SLC9B2: variants seen among roughly 807,000 people sequenced by gnomAD.
SLC9B2 encodes the protein solute carrier family 9 member B2.
SLC9B2 carries 39 observed loss-of-function variants against 52.2 expected under a neutral mutation model. The ratio of observed to expected loss-of-function variants is 0.75; its 90% CI spans 0.58 to 0.98. The LOEUF (loss-of-function observed/expected upper bound fraction) is 0.98. SLC9B2 is among the 50% of genes least tolerant of loss of function. The pLI, the probability that SLC9B2 is intolerant of heterozygous loss-of-function variation, is 0.00. For missense variants in SLC9B2, 626 were observed against 637.5 expected (o/e 0.98, Z 0.19); for synonymous variants, 214 against 227.0 (o/e 0.94, Z 0.51).
rs1241324245 is a variant in SLC9B2, at chr4:103,043,286, T to C, written c.1146+10A>G. 6.3e-7 allele frequency: 1 copy of C among 1,592,782 alleles called. No homozygotes were observed. Among genetic ancestry groups the C allele is most frequent in the Non-Finnish European group, 8.5e-7 (1 of 1,173,500 alleles). ...GAGTCATGAGCAGAAAAACTTAAAA[T>C]GAAATTCACCTTTTCGCTGGTCCAT... On this transcript the variant is annotated intron_variant, in intron 9 of 11. Coordinates refer to ENST00000394785, the MANE Select transcript of SLC9B2 (RefSeq NM_178833.7).
rs575765411 is a variant in SLC9B2 at position 103,030,066 on chromosome 4, C to A, written c.1256-1183G>T. ...GAAGTACAAGATAAAGAGTTGATAT[C>A]ATTCCCAGAAGGAAACATTGAAAGT... On this transcript the variant is annotated intron_variant, in intron 10 of 11. Coordinates refer to ENST00000394785, the MANE Select transcript of SLC9B2 (RefSeq NM_178833.7). 3.9e-3 allele frequency among the ~76,000 whole-genome samples: 591 copies of A among 152,170 alleles called. 2 individuals carry two copies. The highest frequency in any genetic ancestry group is 0.013 in the African/African-American group (554 of 41,530).
chr4:103,034,175 C>T (rs1439452379), intron 9 of SLC9B2, among the ~76,000 whole-genome samples: 1 of 151,974 alleles, frequency 6.6e-6, no homozygotes, highest in Non-Finnish European at 1.5e-5. Flanking sequence ...ATGTGATCTT[C>T]GATAAAGCTG....
At chr4:103,028,955 C>A in intron 10 of SLC9B2, 72 bp from the exon 11 acceptor site, 1 of 1,214,330 alleles carries the variant, frequency 8.2e-7, no homozygotes. Context: ...GTTACTAATT[C>A]AAAATAACCA....
At position 103,026,156 on chromosome 4, in the gene SLC9B2, G is replaced by T. The variant is rs1327844681; in HGVS notation, c.*214C>A. 2.6e-5 allele frequency: 12 copies of T among 466,616 alleles called. No individual in the cohort carries two copies. The highest frequency in any genetic ancestry group is 3.4e-5 in the Non-Finnish European group (9 of 262,462). 28.9% of individuals were successfully genotyped at this position (466,616 alleles called of 1,614,324 possible). On this transcript the variant is annotated 3_prime_UTR_variant, in exon 12 of 12. Coordinates refer to ENST00000394785, the MANE Select transcript of SLC9B2 (RefSeq NM_178833.7). ...ATGCAAATTAAGATGGATGATGAAG[G>T]GGTGTTTGAAAAAAAAGGCAGAGAG... is the stretch of plus-strand genomic sequence containing the variant.
upstream of SLC9B2, chr4:103,076,992 C>G (rs1435501957): frequency 6.6e-6 from 1 of 152,260 alleles, no homozygotes; most frequent in Non-Finnish European, 1.5e-5. Context: ...TTCTGCCCCC[C>G]TTTATCGCTT....
intron 1 of SLC9B2, among the ~76,000 whole-genome samples, chr4:103,075,480 T>G (rs1747038201): frequency 6.6e-6 from 1 of 152,210 alleles, no homozygotes; most frequent in Non-Finnish European, 1.5e-5. Context: ...CAGTCTGCCC[T>G]TTAAGGGATG....
chr4:103,070,217 G>C (rs1746493168), intron 1 of SLC9B2, among the ~76,000 whole-genome samples: 1 of 152,210 alleles, frequency 6.6e-6, no homozygotes, highest in East Asian at 1.9e-4. Flanking sequence ...CTCACTTCAG[G>C]AACCTACTTA....
At chr4:103,046,732 G>C (rs145554563) in intron 7 of SLC9B2, among the ~76,000 whole-genome samples, 2 of 148,988 alleles carry the variant, frequency 1.3e-5, no homozygotes, top group African/African-American at 4.9e-5. Context: ...TCTTTTGTGT[G>C]AAGTCTCCAC....
rs546704373 is a variant in SLC9B2 at position 103,062,242 on chromosome 4, G to A, written c.271+4085C>T. 3.8e-4 allele frequency among the ~76,000 whole-genome samples: 58 copies of A among 152,190 alleles called. No individual in the cohort carries two copies. The South Asian group carries it at 0.011, about 29-fold the overall frequency. On this transcript the variant is annotated intron_variant, in intron 3 of 11. Transcript: ENST00000394785. ...TCGAGACCAGCCTGACCAACATGGT[G>A]AAACCCCGTCTCTACTAAATACAAA... is the stretch of plus-strand genomic sequence containing the variant.
chr4:103,023,491 C>A lies in SLC9B2; in HGVS notation c.*2879G>T, dbSNP rs1401106554. On this transcript the variant is annotated 3_prime_UTR_variant, in exon 12 of 12. Transcript: ENST00000394785. ...ATGTGGCTTTCAATGTGGTGACAAA[C>A]CCCGGCCTTCACATGGTGAGCCCTG... 1.3e-5 allele frequency among the ~76,000 whole-genome samples: 2 copies of A among 152,170 alleles called. No homozygotes were observed. Among genetic ancestry groups the A allele is most frequent in the Non-Finnish European group, 2.9e-5 (2 of 68,034 alleles).
At chr4:103,058,970 G>C (rs1578472496) in intron 3 of SLC9B2, among the ~76,000 whole-genome samples, 1 of 152,060 alleles carries the variant, frequency 6.6e-6, no homozygotes, top group Non-Finnish European at 1.5e-5. Context: ...GGGAAGCTGA[G>C]GCAGGAGGAT....
At chr4:103,038,786 AT>A (rs1743387267) in intron 9 of SLC9B2, among the ~76,000 whole-genome samples, 1 of 152,224 alleles carries the variant, frequency 6.6e-6, no homozygotes, top group Admixed American at 6.5e-5. Flanking sequence ...CAACAAAAAA[AT>A]CTGTAAAAGT....
chr4:103,049,509 T>C (rs1466827425), intron 5 of SLC9B2, among the ~76,000 whole-genome samples: 1 of 152,214 alleles, frequency 6.6e-6, no homozygotes, highest in African/African-American at 2.4e-5. Context: ...TAAAAAGGCA[T>C]ACTTGACCCT....
At chr4:103,027,999 AT>A (rs1560539943) in intron 11 of SLC9B2, among the ~76,000 whole-genome samples, 1 of 152,188 alleles carries the variant, frequency 6.6e-6, no homozygotes. Flanking sequence ...GTTTGATGTA[AT>A]TAGTCTGAAA....
At chr4:103,048,671 G>A (rs113994491) in intron 6 of SLC9B2, 122 of 455,460 alleles carry the variant, frequency 2.7e-4, no homozygotes, top group African/African-American at 2.3e-3. Context: ...AAAAGACCAC[G>A]ACTTCTTCAA....
chr4:103,073,848 G>C (rs1163629840), intron 1 of SLC9B2, among the ~76,000 whole-genome samples: 1 of 152,134 alleles, frequency 6.6e-6, no homozygotes, highest in Non-Finnish European at 1.5e-5. Context: ...ACCCCAAGTG[G>C]GACAGACATG....
chr4:103,050,413 AG>A, intron 4 of SLC9B2, 31 bp from the exon 5 acceptor site: 1 of 1,533,356 alleles, frequency 6.5e-7, no homozygotes, highest in East Asian at 2.4e-5. Context: ...ATATCTAGTT[AG>A]TTTTCAAATA....
At chr4:103,049,868 C>T (rs766353014) in intron 5 of SLC9B2, among the ~76,000 whole-genome samples, 3 of 152,008 alleles carry the variant, frequency 2.0e-5, no homozygotes, top group Non-Finnish European at 4.4e-5. Context: ...AAAAATTAGC[C>T]GGGTGTGGTA....
intron 3 of SLC9B2, 77 bp downstream of exon 3, chr4:103,066,248 TCC>T: frequency 6.7e-7 from 1 of 1,485,576 alleles, no homozygotes; most frequent in South Asian, 1.3e-5. Flanking sequence ...CTTCTTTTTG[TCC>T]TTTCAACCAT....
Sources: gnomAD v4.1 joint callset for allele counts (sites outside exome capture counted in the v4.1 genomes callset) on GRCh38, gnomAD v4.1.1 for gene constraint, MANE v1.5 for transcripts, NCBI Gene and HGNC (gene_info 2026-07-23, HGNC 2026-07-21) for gene names.